SLC25A18: variants seen among roughly 807,000 people sequenced by gnomAD.
SLC25A18 encodes mitochondrial glutamate carrier 2.
SLC25A18 carries 24 observed loss-of-function variants against 31.1 expected under a neutral mutation model. That is an observed-to-expected ratio of 0.77 (90% CI 0.56 to 1.08). SLC25A18 has a LOEUF of 1.08. Among genes scored for constraint, SLC25A18 ranks in the 50% least tolerant of loss-of-function variants. The pLI is 0.00. For synonymous variants in SLC25A18, 173 were observed against 161.9 expected (o/e 1.07, Z -0.52); for missense variants, 371 against 418.5 (o/e 0.89, Z 0.99).
intron 2 of SLC25A18, among the ~76,000 whole-genome samples, chr22:17,571,494 C>T (rs1042300829): frequency 2.6e-5 from 4 of 152,102 alleles, no homozygotes; most frequent in Admixed American, 6.6e-5. Flanking sequence ...CTTCTCCAGC[C>T]GGGGCGCAGT....
intron 2 of SLC25A18, among the ~76,000 whole-genome samples, chr22:17,572,636 A>ATTTTTTTTTTTTTTTTTTTTT (rs1601279642): frequency 9.7e-6 from 1 of 103,094 alleles, no homozygotes. Flanking sequence ...TCTACAAATA[A>ATTTTTTTTTTTTTTTTTTTTT]ATTTTTTTTT....
rs760375048 is a variant in SLC25A18 at position 17,587,313 on chromosome 22, T to C, written c.575+12T>C. On this transcript the variant is annotated intron_variant, in intron 8 of 10. Coordinates refer to ENST00000327451, the MANE Select transcript of SLC25A18 (RefSeq NM_031481.3). ...GCCACTCTCCTCAGGTGAGCCTTTC[T>C]TCCGGTTCCCTAGGACAAGTGCACG... is the stretch of plus-strand genomic sequence containing the variant. 1 of 1,606,476 alleles carries C rather than the reference T, an allele frequency of 6.2e-7. No individual in the cohort carries two copies. The highest frequency in any genetic ancestry group is 2.2e-5 in the East Asian group (1 of 44,822).
At chr22:17,582,958 C>T (rs1213617790) in intron 6 of SLC25A18, among the ~76,000 whole-genome samples, 1 of 152,076 alleles carries the variant, frequency 6.6e-6, no homozygotes, top group Non-Finnish European at 1.5e-5. Flanking sequence ...GCCTGTAATC[C>T]CAGCACTTTA....
chr22:17,568,843 G>A (rs2057011862), intron 1 of SLC25A18, among the ~76,000 whole-genome samples: 1 of 151,810 alleles, frequency 6.6e-6, no homozygotes, highest in South Asian at 2.1e-4. Context: ...TTACAGGCGT[G>A]AGCAACCGTG....
rs1302064406 is a variant in SLC25A18 at position 17,579,183 on chromosome 22, G to A, written c.-200-562G>A. 2.0e-5 allele frequency among the ~76,000 whole-genome samples: 3 copies of A among 151,836 alleles called. No homozygotes were observed. The East Asian group carries it at 5.8e-4, about 29-fold the overall frequency. Reference sequence around the variant, plus strand: ...GGCTCCACCACAACCTCTGTCTCCTGGATTCAAGCAATCTCCTACCTCAGC... The same window carrying A: ...GGCTCCACCACAACCTCTGTCTCCTAGATTCAAGCAATCTCCTACCTCAGC... On this transcript the variant is annotated intron_variant, in intron 2 of 10. Transcript: ENST00000327451.
chr22:17,578,261 G>C (rs1694890971), intron 2 of SLC25A18, among the ~76,000 whole-genome samples: 1 of 152,178 alleles, frequency 6.6e-6, no homozygotes, highest in African/African-American at 2.4e-5. Context: ...GTGAGCCACT[G>C]TTCCCGGCCA....
chr22:17,568,295 A>C (rs1201278426), intron 1 of SLC25A18, among the ~76,000 whole-genome samples: 2 of 148,386 alleles, frequency 1.3e-5, no homozygotes, highest in Non-Finnish European at 3.0e-5. Context: ...TGAACGTGGG[A>C]GGCTGAGCTT....
chr22:17,585,138 C>G (rs952250445), intron 7 of SLC25A18: 3 of 152,130 alleles, frequency 2.0e-5, no homozygotes, highest in African/African-American at 7.2e-5. Flanking sequence ...TGCCTGTAAT[C>G]CCAGCACTTT....
Position 17,582,628 on chromosome 22 carries a change from T to C in SLC25A18, c.265T>C (p.Phe89Leu). The C allele has an allele frequency of 6.2e-7, 1 of 1,604,340 alleles. No homozygotes were observed. Among genetic ancestry groups the C allele is most frequent in the South Asian group, 1.1e-5 (1 of 89,086 alleles). The part of the protein sequence containing the change: ...KAIKLAANDF[F>L]RRLLMEDGMQ... ...CATCAAGCTGGCGGCCAACGACTTT[T>C]TCCGGCGGCTGCTCATGGAAGATGG... The change falls in exon 6 of 11, where the codon TTC becomes CTC. Residue 89 changes from phenylalanine to leucine, a missense_variant. Phe to Leu is a conservative substitution (Grantham distance 22). Coordinates refer to ENST00000327451, the MANE Select transcript of SLC25A18 (RefSeq NM_031481.3).
chr22:17,579,666 C>T, intron 2 of SLC25A18, 79 bp from the exon 3 acceptor site: 1 of 1,163,862 alleles, frequency 8.6e-7, no homozygotes, highest in Non-Finnish European at 1.1e-6. Flanking sequence ...AAAAGTGGAG[C>T]AAGCGGGCCG....
At chr22:17,580,710 C>T (rs1054211225) in intron 3 of SLC25A18, 1 of 1,096,022 alleles carries the variant, frequency 9.1e-7, no homozygotes, top group Non-Finnish European at 1.1e-6. Flanking sequence ...TCCAGGCCTG[C>T]GGAGGAGCCA....
chr22:17,563,603 C>G lies in SLC25A18; in HGVS notation c.-374C>G. 2.2e-6 allele frequency: 2 copies of G among 921,812 alleles called. No individual in the cohort carries two copies. The highest frequency in any genetic ancestry group is 1.3e-6 in the Non-Finnish European group (1 of 771,854). 57.1% of individuals were successfully genotyped at this position (921,812 alleles called of 1,614,324 possible). On this transcript the variant is annotated 5_prime_UTR_variant, in exon 1 of 11. Transcript: ENST00000327451. ...CCAGTTCCTTGGATATATCCACGGG[C>G]TTTGCTTTGAGAAGGAACTGAGTAG... is the stretch of plus-strand genomic sequence containing the variant.
chr22:17,580,937 T>A, intron 3 of SLC25A18, 100 bp from the exon 4 acceptor site: 8 of 1,454,940 alleles, frequency 5.5e-6, no homozygotes, highest in South Asian at 1.4e-5. Flanking sequence ...GGGGCTGGGG[T>A]TCCCCACTGT....
At chr22:17,576,398 G>A (rs994078489) in intron 2 of SLC25A18, among the ~76,000 whole-genome samples, 7 of 151,880 alleles carry the variant, frequency 4.6e-5, no homozygotes, top group South Asian at 2.1e-4. Flanking sequence ...CATCAGTGCC[G>A]GAACCAGTAG....
Position 17,574,148 on chromosome 22 carries a change from C to T in SLC25A18, c.-201+4162C>T, listed in dbSNP as rs145327117. The stretch of plus-strand genomic sequence containing the variant: ...CCTTGGGAGGCTGAGGTGGGAGGAT[C>T]GCTTGAGCCTGGGAAGCAGAGGTTG... On this transcript the variant is annotated intron_variant, in intron 2 of 10. Transcript: ENST00000327451. 4.6e-3 allele frequency among the ~76,000 whole-genome samples: 702 copies of T among 152,298 alleles called. 3 individuals carry two copies. The highest frequency in any genetic ancestry group is 5.7e-3 in the Non-Finnish European group (391 of 68,026).
At chr22:17,580,714 G>A in intron 3 of SLC25A18, 1 of 1,104,566 alleles carries the variant, frequency 9.1e-7, no homozygotes, top group South Asian at 3.8e-5. Context: ...GGCCTGCGGA[G>A]GAGCCAGAGG....
chr22:17,580,424 G>A (rs1003501294), intron 3 of SLC25A18: 12 of 562,652 alleles, frequency 2.1e-5, no homozygotes, highest in African/African-American at 8.2e-5. Context: ...ACCCAGCAGG[G>A]TGGGGGGCCA....
intron 2 of SLC25A18, among the ~76,000 whole-genome samples, chr22:17,574,765 C>T (rs1476431044): frequency 6.7e-6 from 1 of 150,120 alleles, no homozygotes; most frequent in Non-Finnish European, 1.5e-5. Flanking sequence ...CCTGATCCAC[C>T]CACCCTCGGC....
chr22:17,584,970 C>T (rs2057501803), intron 7 of SLC25A18, among the ~76,000 whole-genome samples: 1 of 151,730 alleles, frequency 6.6e-6, no homozygotes, highest in African/African-American at 2.4e-5. Flanking sequence ...CTGGTCCTCT[C>T]AGAATGATGG....
Sources: gnomAD v4.1 joint callset for allele counts (sites outside exome capture counted in the v4.1 genomes callset) on GRCh38, gnomAD v4.1.1 for gene constraint, MANE v1.5 for transcripts, NCBI Gene and HGNC (gene_info 2026-07-23, HGNC 2026-07-21) for gene names.